SGCD: variants seen among roughly 807,000 people sequenced by gnomAD.
SGCD encodes the protein sarcoglycan delta.
SGCD carries 18 observed loss-of-function variants against 36.6 expected under a neutral mutation model. The observed-to-expected ratio is 0.49, with a 90% CI of 0.34 to 0.73. SGCD has a LOEUF of 0.73. SGCD is among the 30% of genes least tolerant of loss of function. The probability of loss-of-function intolerance (pLI) is 0.01; values close to 1 mark genes in which losing one functional copy is unlikely to be tolerated. For synonymous variants in SGCD, 133 were observed against 130.6 expected, an observed-to-expected ratio of 1.02 and a Z score of -0.12; for missense variants, 387 against 346.7, an observed-to-expected ratio of 1.12 and a Z score of -0.92.
chr5:155,816,209 T>A, the SGCD span, among the ~76,000 whole-genome samples: 1 of 152,160 alleles, frequency 6.6e-6, no homozygotes, highest in African/African-American at 2.4e-5. Flanking sequence ...AATTACAAGT[T>A]AGAGGTGCCA....
At chr5:156,152,135 A>T (rs1440311289) in intron 3 of SGCD, among the ~76,000 whole-genome samples, 1 of 150,516 alleles carries the variant, frequency 6.6e-6, no homozygotes, top group African/African-American at 2.5e-5. Context: ...ATTGTGAGTT[A>T]AAAAAAAACA....
chr5:156,094,887 G>C (rs968830965), intron 1 of SGCD, among the ~76,000 whole-genome samples: 1 of 152,130 alleles, frequency 6.6e-6, no homozygotes, highest in African/African-American at 2.4e-5. Context: ...TGTAATCCCA[G>C]CTACTCAGGA....
intron 3 of SGCD, among the ~76,000 whole-genome samples, chr5:156,292,415 G>T (rs946733845): frequency 1.3e-5 from 2 of 152,046 alleles, no homozygotes; most frequent in Admixed American, 1.3e-4. Context: ...CGTCCTCAAG[G>T]TTTATTCAAG....
chr5:156,142,938 C>A (rs1014880785), intron 3 of SGCD, among the ~76,000 whole-genome samples: 1 of 152,144 alleles, frequency 6.6e-6, no homozygotes, highest in African/African-American at 2.4e-5. Flanking sequence ...ATTTACATAA[C>A]TGAAAGGAAG....
chr5:155,818,240 G>A, the SGCD span, among the ~76,000 whole-genome samples: 1 of 152,086 alleles, frequency 6.6e-6, no homozygotes, highest in African/African-American at 2.4e-5. Flanking sequence ...ACTTTATTGG[G>A]GTGGGGGGCC....
At chr5:156,416,343 C>T (rs1166499015) in intron 3 of SGCD, among the ~76,000 whole-genome samples, 6 of 152,104 alleles carry the variant, frequency 3.9e-5, no homozygotes, top group Non-Finnish European at 8.8e-5. Context: ...AAGAATGATA[C>T]ATTGGACTTT....
At chr5:155,790,520 C>A in the SGCD span, among the ~76,000 whole-genome samples, 1 of 152,002 alleles carries the variant, frequency 6.6e-6, no homozygotes, top group Non-Finnish European at 1.5e-5. Flanking sequence ...TATGACATGT[C>A]TATATCAAAG....
chr5:156,292,608 G>A (rs576150747), intron 3 of SGCD, among the ~76,000 whole-genome samples: 1 of 152,060 alleles, frequency 6.6e-6, no homozygotes, highest in Non-Finnish European at 1.5e-5. Flanking sequence ...TATTTTTTGA[G>A]TATATACCCA....
intron 1 of SGCD, among the ~76,000 whole-genome samples, chr5:155,913,499 A>G (rs1305472933): frequency 2.0e-5 from 3 of 152,198 alleles, no homozygotes; most frequent in Admixed American, 2.0e-4. Context: ...CAACCTCTTC[A>G]GTCTGACCAT....
At chr5:156,169,683 T>G (rs1198409056) in intron 3 of SGCD, among the ~76,000 whole-genome samples, 1 of 151,976 alleles carries the variant, frequency 6.6e-6, no homozygotes, top group Non-Finnish European at 1.5e-5. Context: ...AAACAGAAGG[T>G]CACCACAGGA....
chr5:156,265,628 T>C (rs961233623), intron 3 of SGCD, among the ~76,000 whole-genome samples: 2 of 150,864 alleles, frequency 1.3e-5, no homozygotes, highest in African/African-American at 4.9e-5. Flanking sequence ...TATAATTTAA[T>C]AATATATTGT....
At chr5:156,407,982 A>G (rs1300172492) in intron 3 of SGCD, among the ~76,000 whole-genome samples, 1 of 152,196 alleles carries the variant, frequency 6.6e-6, no homozygotes, top group Non-Finnish European at 1.5e-5. Flanking sequence ...GGGTGGTGGC[A>G]TTTAATGCTT....
intron 3 of SGCD, among the ~76,000 whole-genome samples, chr5:156,284,976 C>A (rs1023956216): frequency 9.9e-5 from 15 of 152,172 alleles, no homozygotes; most frequent in Admixed American, 7.2e-4. Context: ...TCAGCAAAGT[C>A]TCAGGATACA....
chr5:155,785,078 A>G, the SGCD span, among the ~76,000 whole-genome samples: 44 of 152,044 alleles, frequency 2.9e-4, no homozygotes, highest in African/African-American at 1.0e-3. Context: ...TGCATAAGAG[A>G]TATGTGTAAT....
chr5:156,081,099 G>A (rs546502810), intron 1 of SGCD, among the ~76,000 whole-genome samples: 1 of 152,194 alleles, frequency 6.6e-6, no homozygotes. Context: ...TTAGCTTCTG[G>A]TGAGGGCCTC....
At chr5:156,078,539 T>TTATTTATATATATATTTA (rs1322284269) in intron 1 of SGCD, among the ~76,000 whole-genome samples, 1 of 139,576 alleles carries the variant, frequency 7.2e-6, no homozygotes, top group Non-Finnish European at 1.5e-5. Context: ...ATATATATAT[T>TTATTTATATATATATTTA]TATTTATATA....
intron 1 of SGCD, among the ~76,000 whole-genome samples, chr5:155,981,442 A>G (rs1758227872): frequency 6.6e-6 from 1 of 152,122 alleles, no homozygotes; most frequent in Non-Finnish European, 1.5e-5. Flanking sequence ...AGGTTTAATC[A>G]TGTTGTTTCT....
chr5:156,487,813 A>AAAAAAGAAAG (rs1554107842), intron 3 of SGCD, among the ~76,000 whole-genome samples: 1 of 77,798 alleles, frequency 1.3e-5, no homozygotes, highest in Non-Finnish European at 2.5e-5. Flanking sequence ...AAAAAAAAAA[A>AAAAAAGAAAG]AAAGAAAGAA....
intron 1 of SGCD, among the ~76,000 whole-genome samples, chr5:156,091,931 G>A (rs1761254754): frequency 6.6e-6 from 1 of 152,252 alleles, no homozygotes; most frequent in South Asian, 2.1e-4. Flanking sequence ...ACTGTTTGGA[G>A]AAATAGGCTA....
Sources: gnomAD v4.1 joint callset for allele counts (sites outside exome capture counted in the v4.1 genomes callset) on GRCh38, gnomAD v4.1.1 for gene constraint, MANE v1.5 for transcripts, NCBI Gene and HGNC (gene_info 2026-07-23, HGNC 2026-07-21) for gene names.